SCHIP1: variants seen among roughly 807,000 people sequenced by gnomAD.
SCHIP1 encodes the protein schwannomin interacting protein 1.
In SCHIP1, 8 loss-of-function variants were observed where a neutral mutation model predicts 29.7. The ratio of observed to expected loss-of-function variants is 0.27; its 90% CI spans 0.16 to 0.49. The LOEUF (loss-of-function observed/expected upper bound fraction) is 0.49. Ranked by LOEUF, SCHIP1 falls within the 20% of genes least tolerant of loss-of-function variation. The pLI is 0.99. For synonymous variants in SCHIP1, 76 were observed against 94.9 expected, an observed-to-expected ratio of 0.80 and a Z score of 1.16; for missense variants, 193 against 294.6, an observed-to-expected ratio of 0.66 and a Z score of 2.52.
the SCHIP1 span, among the ~76,000 whole-genome samples, chr3:159,729,575 G>T: frequency 6.6e-6 from 1 of 152,048 alleles, no homozygotes; most frequent in Non-Finnish European, 1.5e-5. Flanking sequence ...TAATGAAAAA[G>T]TTCCCATTTA....
chr3:159,695,553 G>C, the SCHIP1 span, among the ~76,000 whole-genome samples: 1 of 152,162 alleles, frequency 6.6e-6, no homozygotes, highest in African/African-American at 2.4e-5. Flanking sequence ...AAGTGGTCAA[G>C]ACTCAGGGAG....
chr3:159,328,753 T>C, the SCHIP1 span, among the ~76,000 whole-genome samples: 2 of 152,130 alleles, frequency 1.3e-5, no homozygotes, highest in African/African-American at 4.8e-5. Flanking sequence ...TTCTGGGCTG[T>C]GAGAAATCAG....
At chr3:159,334,199 C>A in the SCHIP1 span, among the ~76,000 whole-genome samples, 1 of 152,120 alleles carries the variant, frequency 6.6e-6, no homozygotes, top group East Asian at 1.9e-4. Context: ...TCCAAATTGA[C>A]CTGACAGATC....
At chr3:159,734,556 A>G in the SCHIP1 span, among the ~76,000 whole-genome samples, 4 of 152,116 alleles carry the variant, frequency 2.6e-5, no homozygotes, top group Non-Finnish European at 5.9e-5. Flanking sequence ...GGATCTTACA[A>G]CTTCACACAA....
the SCHIP1 span, among the ~76,000 whole-genome samples, chr3:159,668,376 C>CAAAAAA: frequency 1.9e-4 from 9 of 46,408 alleles, no homozygotes; most frequent in African/African-American, 7.7e-4. Flanking sequence ...GACTCCGTCT[C>CAAAAAA]AAAAAAAAAA....
At chr3:159,346,874 G>C in the SCHIP1 span, among the ~76,000 whole-genome samples, 8 of 152,092 alleles carry the variant, frequency 5.3e-5, no homozygotes, top group Admixed American at 5.2e-4. Context: ...AAAATCTGGG[G>C]GATATCAGTT....
chr3:159,406,196 G>T, the SCHIP1 span, among the ~76,000 whole-genome samples: 1 of 151,954 alleles, frequency 6.6e-6, no homozygotes, highest in African/African-American at 2.4e-5. Flanking sequence ...CAAAGGTCAA[G>T]TTTAAGGAAA....
chr3:159,386,881 G>C, the SCHIP1 span: 6 of 155,350 alleles, frequency 3.9e-5, no homozygotes, highest in African/African-American at 1.4e-4. Context: ...TCAGGCATCA[G>C]ATAGCTGTAG....
chr3:159,421,778 T>C, the SCHIP1 span, among the ~76,000 whole-genome samples: 1 of 152,180 alleles, frequency 6.6e-6, no homozygotes, highest in Non-Finnish European at 1.5e-5. Flanking sequence ...ATACATCAGT[T>C]CATTTGCTGG....
chr3:159,563,015 G>A, the SCHIP1 span, among the ~76,000 whole-genome samples: 1 of 152,158 alleles, frequency 6.6e-6, no homozygotes, highest in Admixed American at 6.5e-5. Flanking sequence ...TTTTGAAAGG[G>A]TGGGGGTTAT....
chr3:159,619,698 G>A, the SCHIP1 span, among the ~76,000 whole-genome samples: 3 of 152,110 alleles, frequency 2.0e-5, no homozygotes, highest in East Asian at 1.9e-4. Flanking sequence ...TACACTTTTT[G>A]TTTGTTGTTA....
the SCHIP1 span, among the ~76,000 whole-genome samples, chr3:159,490,541 A>G: frequency 1.1e-3 from 161 of 152,342 alleles, 1 homozygote; most frequent in African/African-American, 3.7e-3. Context: ...TACCCAAGCA[A>G]TATTTATTGA....
intron 2 of SCHIP1, among the ~76,000 whole-genome samples, chr3:159,871,368 T>A (rs551361513): frequency 2.1e-4 from 3 of 14,390 alleles, no homozygotes; most frequent in Non-Finnish European, 2.1e-4. Context: ...TTGGGGGGGG[T>A]GGGGGGGGGC....
chr3:159,601,514 G>A, the SCHIP1 span, among the ~76,000 whole-genome samples: 8 of 152,168 alleles, frequency 5.3e-5, no homozygotes, highest in Non-Finnish European at 1.0e-4. Flanking sequence ...TTGGCAGTAG[G>A]ATCAGGTATG....
the SCHIP1 span, among the ~76,000 whole-genome samples, chr3:159,510,235 T>C: frequency 6.6e-6 from 1 of 152,240 alleles, no homozygotes; most frequent in South Asian, 2.1e-4. Flanking sequence ...CCTTCACTGA[T>C]ACCCTTTCTT....
chr3:159,621,234 T>A, the SCHIP1 span, among the ~76,000 whole-genome samples: 20 of 152,312 alleles, frequency 1.3e-4, no homozygotes, highest in African/African-American at 4.3e-4. Flanking sequence ...TGGACAGGAA[T>A]CTGCAAGACT....
At chr3:159,799,591 A>G in the SCHIP1 span, among the ~76,000 whole-genome samples, 1 of 152,226 alleles carries the variant, frequency 6.6e-6, no homozygotes, top group Admixed American at 6.5e-5. Context: ...TGTGATAATA[A>G]GGGAATATGT....
the SCHIP1 span, among the ~76,000 whole-genome samples, chr3:159,484,209 G>T: frequency 6.0e-4 from 91 of 152,248 alleles, no homozygotes; most frequent in African/African-American, 2.1e-3. Flanking sequence ...AAACCAGAAC[G>T]TTCAACTAAC....
At chr3:159,635,084 G>A in the SCHIP1 span, among the ~76,000 whole-genome samples, 3 of 152,258 alleles carry the variant, frequency 2.0e-5, no homozygotes, top group South Asian at 2.1e-4. Flanking sequence ...GCTGTAAAAT[G>A]GAGTTTCAAT....
Sources: allele counts gnomAD v4.1 joint callset (sites outside exome capture counted in the v4.1 genomes callset), GRCh38; gene constraint gnomAD v4.1.1; transcripts MANE v1.5; gene names NCBI Gene and HGNC (gene_info 2026-07-23, HGNC 2026-07-21).